The following GULP1 variants were observed in gnomAD, a reference collection of about 807,000 sequenced individuals.
The protein encoded by GULP1 is PTB domain-containing engulfment adapter protein 1.
Under a neutral mutation model 40.9 loss-of-function variants are expected in GULP1, and 19 were observed. The ratio of observed to expected loss-of-function variants is 0.46; its 90% CI spans 0.32 to 0.68. GULP1 has a LOEUF of 0.68. Among genes scored for constraint, GULP1 ranks in the 30% least tolerant of loss-of-function variants. GULP1 has a pLI of 0.03. For missense variants in GULP1, 312 were observed against 362.2 expected (o/e 0.86, Z 1.12); for synonymous variants, 119 against 117.6 (o/e 1.01, Z -0.08).
chr2:188,343,673 T>C (rs1397130417), intron 1 of GULP1, among the ~76,000 whole-genome samples: 2 of 152,232 alleles, frequency 1.3e-5, no homozygotes, highest in Non-Finnish European at 2.9e-5. Context: ...GACTTTCTTA[T>C]GTGACAAATA....
chr2:188,503,709 G>A (rs1032558904), intron 4 of GULP1, among the ~76,000 whole-genome samples: 2 of 151,848 alleles, frequency 1.3e-5, no homozygotes, highest in Non-Finnish European at 2.9e-5. Flanking sequence ...TCCTTTTCTT[G>A]TAACCATAAC....
At chr2:188,301,680 A>T (rs1164893346) in intron 1 of GULP1, among the ~76,000 whole-genome samples, 2 of 152,164 alleles carry the variant, frequency 1.3e-5, no homozygotes, top group East Asian at 3.9e-4. Flanking sequence ...CATATGTCAC[A>T]TGTCAGGTGA....
chr2:188,338,599 C>T (rs1402287990), intron 1 of GULP1, among the ~76,000 whole-genome samples: 1 of 151,012 alleles, frequency 6.6e-6, no homozygotes, highest in African/African-American at 2.4e-5. Context: ...AGCCACCATG[C>T]CTACACTTGG....
intron 1 of GULP1, among the ~76,000 whole-genome samples, chr2:188,377,022 A>G (rs2048376575): frequency 6.6e-6 from 1 of 152,068 alleles, no homozygotes; most frequent in African/African-American, 2.4e-5. Flanking sequence ...AAATACAAAA[A>G]TTAGCTGGGC....
At chr2:188,432,440 A>G (rs905482948) in intron 2 of GULP1, among the ~76,000 whole-genome samples, 4 of 151,860 alleles carry the variant, frequency 2.6e-5, no homozygotes, top group Admixed American at 2.0e-4. Context: ...TATCTAAGTA[A>G]GAACCTTAAG....
intron 1 of GULP1, among the ~76,000 whole-genome samples, chr2:188,338,239 A>G (rs1418708133): frequency 6.6e-6 from 1 of 151,878 alleles, no homozygotes; most frequent in African/African-American, 2.4e-5. Flanking sequence ...TTTAATTATT[A>G]ACCACAATCT....
chr2:188,394,634 G>T (rs1255980030), intron 2 of GULP1, among the ~76,000 whole-genome samples: 1 of 151,892 alleles, frequency 6.6e-6, no homozygotes, highest in East Asian at 1.9e-4. Flanking sequence ...TTATTTTTCT[G>T]GTTTGTTCTC....
chr2:188,534,666 TA>T (rs1158601524), intron 6 of GULP1, among the ~76,000 whole-genome samples: 3 of 151,604 alleles, frequency 2.0e-5, no homozygotes, highest in Non-Finnish European at 3.0e-5. Context: ...TGTTTGGTGA[TA>T]AAACAAAACA....
At chr2:188,453,523 CA>C (rs2059007810) in intron 2 of GULP1, among the ~76,000 whole-genome samples, 1 of 152,110 alleles carries the variant, frequency 6.6e-6, no homozygotes, top group African/African-American at 2.4e-5. Flanking sequence ...GAAACTAAGC[CA>C]GAGTTAAGCA....
chr2:188,536,727 A>G (rs1402171258), intron 6 of GULP1, among the ~76,000 whole-genome samples: 1 of 152,266 alleles, frequency 6.6e-6, no homozygotes, highest in African/African-American at 2.4e-5. Flanking sequence ...GAAAAATGGC[A>G]TTGGCCATTT....
At chr2:188,565,437 A>T (rs1353838446) in intron 7 of GULP1, among the ~76,000 whole-genome samples, 1 of 152,000 alleles carries the variant, frequency 6.6e-6, no homozygotes, top group Non-Finnish European at 1.5e-5. Context: ...AACACACGAA[A>T]CTGAGCAATA....
At chr2:188,498,211 TTTACCGG>T (rs915607695) in intron 4 of GULP1, among the ~76,000 whole-genome samples, 29 of 150,114 alleles carry the variant, frequency 1.9e-4, no homozygotes, top group African/African-American at 7.1e-4. Flanking sequence ...AATTAGAAAG[TTTACCGG>T]TTCAGTGTAG....
intron 4 of GULP1, among the ~76,000 whole-genome samples, chr2:188,498,226 T>C (rs564784790): frequency 6.6e-6 from 1 of 152,046 alleles, no homozygotes; most frequent in South Asian, 2.1e-4. Context: ...CGGTTCAGTG[T>C]AGCTGGAGTG....
intron 9 of GULP1, among the ~76,000 whole-genome samples, chr2:188,573,065 CAA>C (rs1373401723): frequency 6.6e-6 from 1 of 151,998 alleles, no homozygotes; most frequent in African/African-American, 2.4e-5. Flanking sequence ...AAAGTGAACT[CAA>C]GAGCATTTTA....
chr2:188,309,035 C>T (rs1384133363), intron 1 of GULP1, among the ~76,000 whole-genome samples: 1 of 152,170 alleles, frequency 6.6e-6, no homozygotes, highest in African/African-American at 2.4e-5. Flanking sequence ...CATGAAGCTC[C>T]TAAACATCCA....
chr2:188,524,110 C>CA (rs1157340717), intron 5 of GULP1, among the ~76,000 whole-genome samples: 1 of 152,040 alleles, frequency 6.6e-6, no homozygotes, highest in Admixed American at 6.5e-5. Flanking sequence ...GGCATGAATC[C>CA]AACTTCACTA....
intron 8 of GULP1, 71 bp from the exon 9 acceptor site, chr2:188,569,957 C>G: frequency 1.6e-6 from 1 of 643,666 alleles, no homozygotes. Flanking sequence ...TAAATTCCTA[C>G]TCATAACTGT....
intron 2 of GULP1, among the ~76,000 whole-genome samples, chr2:188,392,046 A>G (rs1042945494): frequency 1.3e-5 from 2 of 151,896 alleles, no homozygotes; most frequent in Admixed American, 6.6e-5. Context: ...ATCTATGTTC[A>G]TCAGGGATAC....
chr2:188,463,464 G>A lies in GULP1; in HGVS notation c.-44-14195G>A, dbSNP rs1052245722. 2.0e-5 allele frequency among the ~76,000 whole-genome samples: 3 copies of A among 151,986 alleles called. No homozygotes were observed. The East Asian group carries it at 5.8e-4, about 29-fold the overall frequency. ...CCCTTTCTTTATCCTTGACCTTTGGGAGTTTGATTAAATGCCTTAGGAGTC... is the reference window on the plus strand; with the variant it reads ...CCCTTTCTTTATCCTTGACCTTTGGAAGTTTGATTAAATGCCTTAGGAGTC... On this transcript the variant is annotated intron_variant, in intron 2 of 11. Coordinates refer to ENST00000409830, the MANE Select transcript of GULP1 (RefSeq NM_016315.4).
Sources: allele counts gnomAD v4.1 joint callset (sites outside exome capture counted in the v4.1 genomes callset), GRCh38; gene constraint gnomAD v4.1.1; transcripts MANE v1.5; gene names NCBI Gene and HGNC (gene_info 2026-07-23, HGNC 2026-07-21).